The following CAMK1D variants were observed in gnomAD, a reference collection of about 807,000 sequenced individuals.
The protein encoded by CAMK1D is calcium/calmodulin dependent protein kinase ID, also known as calcium/calmodulin-dependent protein kinase type 1D.
In CAMK1D, 9 loss-of-function variants were observed where a neutral mutation model predicts 47.7. The observed-to-expected ratio is 0.19, with a 90% CI of 0.11 to 0.33. The LOEUF is 0.33. CAMK1D is among the 10% of genes least tolerant of loss of function. The pLI, the probability that CAMK1D is intolerant of heterozygous loss-of-function variation, is 1.00. For synonymous variants in CAMK1D, 184 were observed against 184.9 expected (o/e 0.99, Z 0.04); for missense variants, 291 against 488.7 (o/e 0.60, Z 3.81).
At chr10:12,674,376 A>G (rs1214831414) in intron 3 of CAMK1D, among the ~76,000 whole-genome samples, 2 of 152,164 alleles carry the variant, frequency 1.3e-5, no homozygotes, top group Admixed American at 1.3e-4. Flanking sequence ...GGAGGACTGT[A>G]TTTTACAATG....
At chr10:12,392,546 TTTTA>T (rs1374575576) in intron 1 of CAMK1D, among the ~76,000 whole-genome samples, 2 of 152,228 alleles carry the variant, frequency 1.3e-5, no homozygotes, top group Non-Finnish European at 2.9e-5. Flanking sequence ...TTTTCTTCCT[TTTTA>T]TTTATTATCA....
intron 1 of CAMK1D, among the ~76,000 whole-genome samples, chr10:12,401,909 A>ATATATG (rs1448110338): frequency 2.0e-5 from 3 of 150,762 alleles, no homozygotes; most frequent in Non-Finnish European, 4.4e-5. Flanking sequence ...ATATATATAT[A>ATATATG]TATATGGACA....
chr10:12,428,947 G>A (rs60391596), intron 1 of CAMK1D, among the ~76,000 whole-genome samples: 1,867 of 152,300 alleles, frequency 0.012, 38 homozygotes, highest in African/African-American at 0.042. Flanking sequence ...TGCTAGCACC[G>A]TGATCTTGGA....
chr10:12,757,265 G>A (rs529195163), intron 3 of CAMK1D, among the ~76,000 whole-genome samples: 1 of 152,178 alleles, frequency 6.6e-6, no homozygotes, highest in East Asian at 1.9e-4. Flanking sequence ...GCGCCACTGT[G>A]CCCGGCCTCA....
intron 5 of CAMK1D, among the ~76,000 whole-genome samples, chr10:12,786,148 G>T (rs903498666): frequency 6.6e-6 from 1 of 152,080 alleles, no homozygotes; most frequent in African/African-American, 2.4e-5. Context: ...TTAGGGTATG[G>T]GTGTGTGTGC....
chr10:12,816,527 C>G (rs538933695), intron 8 of CAMK1D, among the ~76,000 whole-genome samples, 199 bp downstream of exon 8: 1 of 152,186 alleles, frequency 6.6e-6, no homozygotes, highest in Admixed American at 6.5e-5. Flanking sequence ...CTTCTGGAAG[C>G]ACCATGAGAA....
At chr10:12,387,876 T>C (rs994595066) in intron 1 of CAMK1D, among the ~76,000 whole-genome samples, 1 of 152,180 alleles carries the variant, frequency 6.6e-6, no homozygotes. Context: ...ATTTTATTCA[T>C]TGTGAAAGAC....
chr10:12,590,134 T>C (rs1428664326), intron 2 of CAMK1D, among the ~76,000 whole-genome samples: 1 of 152,236 alleles, frequency 6.6e-6, no homozygotes, highest in African/African-American at 2.4e-5. Flanking sequence ...TTTAGGTCAC[T>C]GAATACTTTA....
intron 3 of CAMK1D, among the ~76,000 whole-genome samples, chr10:12,669,478 T>TA (rs1024870751): frequency 3.3e-5 from 5 of 152,198 alleles, no homozygotes; most frequent in African/African-American, 9.7e-5. Context: ...TATGCTAATT[T>TA]AAAAAATGTT....
At chr10:12,712,522 G>A (rs755702636) in intron 3 of CAMK1D, among the ~76,000 whole-genome samples, 14 of 152,198 alleles carry the variant, frequency 9.2e-5, no homozygotes, top group Non-Finnish European at 1.9e-4. Flanking sequence ...TTCACTTCCT[G>A]GTGAGGGCTC....
chr10:12,616,340 G>A (rs899192029), intron 2 of CAMK1D, among the ~76,000 whole-genome samples: 2 of 152,166 alleles, frequency 1.3e-5, no homozygotes, highest in Non-Finnish European at 2.9e-5. Context: ...AGTAATAGGA[G>A]TAGCTAACAT....
intron 3 of CAMK1D, chr10:12,725,361 C>G (rs1334002842): frequency 2.6e-5 from 4 of 155,880 alleles, no homozygotes; most frequent in Non-Finnish European, 4.4e-5. Context: ...TATATTCTTA[C>G]GTGTGAAAGT....
intron 3 of CAMK1D, among the ~76,000 whole-genome samples, chr10:12,738,930 A>G (rs550068217): frequency 1.3e-5 from 2 of 152,248 alleles, no homozygotes; most frequent in East Asian, 3.9e-4. Flanking sequence ...ATGTTGGGAA[A>G]CATTTGTAAT....
chr10:12,487,209 C>T (rs913529595), intron 1 of CAMK1D, among the ~76,000 whole-genome samples: 2 of 152,176 alleles, frequency 1.3e-5, no homozygotes, highest in Non-Finnish European at 2.9e-5. Context: ...TCAGCTGTCC[C>T]TCGCATTATG....
intron 1 of CAMK1D, among the ~76,000 whole-genome samples, chr10:12,399,202 C>T (rs2131909015): frequency 6.6e-6 from 1 of 152,146 alleles, no homozygotes; most frequent in East Asian, 1.9e-4. Context: ...CAAGTATATC[C>T]AGGAAGATAA....
intron 3 of CAMK1D, among the ~76,000 whole-genome samples, chr10:12,669,359 C>G (rs368579543): frequency 5.9e-5 from 9 of 151,904 alleles, no homozygotes; most frequent in African/African-American, 1.9e-4. Context: ...TGAGATTTGT[C>G]GAGCAAATTA....
chr10:12,415,392 G>A (rs949326516), intron 1 of CAMK1D, among the ~76,000 whole-genome samples: 1 of 150,502 alleles, frequency 6.6e-6, no homozygotes, highest in Non-Finnish European at 1.5e-5. Flanking sequence ...AGGTTCAAGC[G>A]ATTCTCCTGC....
intron 1 of CAMK1D, among the ~76,000 whole-genome samples, chr10:12,431,755 G>T (rs567787855): frequency 6.6e-6 from 1 of 152,280 alleles, no homozygotes; most frequent in South Asian, 2.1e-4. Flanking sequence ...TTCCCTGAAG[G>T]GATTACTGGG....
In CAMK1D at chr10:12,547,101, A is replaced by G. The variant is rs1335591661; in HGVS notation, c.93-6124A>G. ...GTTGCAGATGAAACCTTGGGGGCCC[A>G]TTGATGTTTGAAGGGAGGAAGAGGA... On this transcript the variant is annotated intron_variant, in intron 1 of 10. Transcript: ENST00000619168. 3.3e-5 allele frequency among the ~76,000 whole-genome samples: 5 copies of G among 152,316 alleles called. No individual in the cohort carries two copies. In the East Asian group the frequency reaches 5.8e-4, roughly 18 times the overall value.
Sources: allele counts gnomAD v4.1 joint callset (sites outside exome capture counted in the v4.1 genomes callset), GRCh38; gene constraint gnomAD v4.1.1; transcripts MANE v1.5; gene names NCBI Gene and HGNC (gene_info 2026-07-23, HGNC 2026-07-21).